Variants in P2RX5 observed in about 807,000 individuals in gnomAD.
P2RX5 encodes the protein purinergic receptor P2X 5.
In P2RX5, 46 loss-of-function variants were observed where a neutral mutation model predicts 54.1. The observed-to-expected ratio is 0.85, with a 90% CI of 0.67 to 1.09. The LOEUF is 1.09. P2RX5 is among the 50% of genes least tolerant of loss of function. The probability of loss-of-function intolerance (pLI) is 0.00; values close to 1 mark genes in which losing one functional copy is unlikely to be tolerated. For synonymous variants in P2RX5, 226 were observed against 226.4 expected, an observed-to-expected ratio of 1.00 and a Z score of 0.02; for missense variants, 566 against 549.8, an observed-to-expected ratio of 1.03 and a Z score of -0.29.
chr17:3,690,046 C>T (rs768481678), intron 6 of P2RX5, 24 bp downstream of exon 6: 11 of 1,605,778 alleles, frequency 6.9e-6, no homozygotes, highest in African/African-American at 1.3e-5. Context: ...CCACCCGTGG[C>T]CCCCAGTAGC....
chr17:3,711,370 C>CTTTTTTTTTTTTTTTTTT, the P2RX5 span, among the ~76,000 whole-genome samples: 38 of 63,094 alleles, frequency 6.0e-4, 4 homozygotes, highest in South Asian at 2.2e-3. Context: ...AGCACTCATT[C>CTTTTTTTTTTTTTTTTTT]TTTTTTTTTT....
intron 10 of P2RX5, among the ~76,000 whole-genome samples, chr17:3,681,538 CA>C (rs1428798335): frequency 1.3e-5 from 2 of 152,198 alleles, no homozygotes; most frequent in Non-Finnish European, 2.9e-5. Flanking sequence ...GCACCAGGAC[CA>C]CCAAGTCCAA....
Position 3,675,338 on chromosome 17 carries a change from C to T in P2RX5, c.1260-1461G>A, listed in dbSNP as rs2050078719. 3.0e-6 allele frequency: 3 copies of T among 985,124 alleles called. No homozygotes were observed. In the South Asian group the frequency reaches 1.4e-4, roughly 46 times the overall value. The allele number at this position is 985,124 out of a possible 1,614,324, so 61.0% of individuals were successfully genotyped here. On this transcript the variant is annotated intron_variant, in intron 11 of 11. Transcript: ENST00000225328. ...TACAGGCGTGAGCCACCGTGCCCGG[C>T]TAGGAAGACATTTTTGTTGCAATAT...
At chr17:3,695,748 C>T (rs1206439420) in intron 1 of P2RX5, 121 bp downstream of exon 1, 3 of 1,230,016 alleles carry the variant, frequency 2.4e-6, no homozygotes, top group Non-Finnish European at 3.6e-6. Context: ...GGCTCACAGA[C>T]CCCCAGCTAC....
the P2RX5 span, chr17:3,723,793 G>C: frequency 6.3e-7 from 1 of 1,598,452 alleles, no homozygotes; most frequent in Non-Finnish European, 8.5e-7. Flanking sequence ...CAAGCCGCCA[G>C]TTTTCCGTCC....
chr17:3,700,093 G>A (rs150426762), upstream of P2RX5, among the ~76,000 whole-genome samples: 809 of 152,262 alleles, frequency 5.3e-3, 7 homozygotes, highest in Middle Eastern at 0.02. Context: ...AAATAATGTG[G>A]AAAACACTTA....
the P2RX5 span, among the ~76,000 whole-genome samples, chr17:3,707,230 G>A: frequency 2.6e-5 from 4 of 152,200 alleles, no homozygotes; most frequent in East Asian, 1.9e-4. Flanking sequence ...GGTGTTCACT[G>A]TAGAATTCGA....
At chr17:3,699,856 A>C, upstream of P2RX5, among the ~76,000 whole-genome samples, 1 of 48,074 alleles carries the variant, frequency 2.1e-5, no homozygotes, top group Admixed American at 3.0e-4. Flanking sequence ...AAAAGAAAAA[A>C]GAAAGAAAGA....
chr17:3,684,963 A>C (rs1196588077), intron 9 of P2RX5, among the ~76,000 whole-genome samples: 1 of 148,786 alleles, frequency 6.7e-6, no homozygotes, highest in Non-Finnish European at 1.5e-5. Flanking sequence ...CTCCTGCCTC[A>C]GCCTCCTGAG....
intron 9 of P2RX5, among the ~76,000 whole-genome samples, chr17:3,683,267 C>G (rs2050337240): frequency 6.6e-6 from 1 of 152,136 alleles, no homozygotes; most frequent in Admixed American, 6.5e-5. Flanking sequence ...GGTCCCCTGA[C>G]CCTGGGTGCT....
chr17:3,709,078 A>G, the P2RX5 span, among the ~76,000 whole-genome samples: 1 of 152,008 alleles, frequency 6.6e-6, no homozygotes, highest in African/African-American at 2.4e-5. Flanking sequence ...CAGCCTCCCA[A>G]GGAGGTGGGA....
the P2RX5 span, chr17:3,723,403 T>C: frequency 2.6e-6 from 4 of 1,534,690 alleles, no homozygotes; most frequent in East Asian, 6.7e-5. Context: ...CGAGGTCTAG[T>C]GAACACAATT....
intron 11 of P2RX5, among the ~76,000 whole-genome samples, chr17:3,678,293 A>G (rs923057880): frequency 6.6e-6 from 1 of 152,254 alleles, no homozygotes; most frequent in Admixed American, 6.5e-5. Context: ...GCGGAAGCCC[A>G]GCACGCATAG....
At chr17:3,698,743 G>A (rs181746058), upstream of P2RX5, among the ~76,000 whole-genome samples, 5 of 152,126 alleles carry the variant, frequency 3.3e-5, no homozygotes, top group African/African-American at 7.2e-5. Context: ...AACTTCTGAC[G>A]GAACTGTCCT....
At chr17:3,723,617 G>C in the P2RX5 span, 1 of 1,431,336 alleles carries the variant, frequency 7.0e-7, no homozygotes, top group South Asian at 1.3e-5. Flanking sequence ...AGGAAAAACA[G>C]TCTCCTGGCC....
chr17:3,709,006 C>T, the P2RX5 span, among the ~76,000 whole-genome samples: 4 of 152,134 alleles, frequency 2.6e-5, no homozygotes, highest in Admixed American at 6.6e-5. Flanking sequence ...GGCTGTAGTG[C>T]AATGGCACAA....
At chr17:3,723,498 T>A in the P2RX5 span, 1 of 996,214 alleles carries the variant, frequency 1.0e-6, no homozygotes, top group Non-Finnish European at 1.6e-6. Flanking sequence ...TGTGAGCAAT[T>A]TCAGCGCTCA....
At chr17:3,723,792 A>G in the P2RX5 span, 16 of 1,598,798 alleles carry the variant, frequency 1.0e-5, no homozygotes, top group South Asian at 1.4e-4. Flanking sequence ...CCAAGCCGCC[A>G]GTTTTCCGTC....
intron 11 of P2RX5, chr17:3,677,409 C>T: frequency 2.0e-6 from 2 of 985,396 alleles, no homozygotes; most frequent in African/African-American, 1.7e-5. Context: ...TACCTAGACT[C>T]CCCAGGAGCT....
Sources: gnomAD v4.1 joint callset for allele counts (sites outside exome capture counted in the v4.1 genomes callset) on GRCh38, gnomAD v4.1.1 for gene constraint, MANE v1.5 for transcripts, NCBI Gene and HGNC (gene_info 2026-07-23, HGNC 2026-07-21) for gene names.